DCAF6: variants seen among roughly 807,000 people sequenced by gnomAD.
DCAF6 encodes the protein DDB1- and CUL4-associated factor 6.
DCAF6 carries 54 observed loss-of-function variants against 125.1 expected under a neutral mutation model. The observed-to-expected ratio is 0.43, with a 90% CI of 0.35 to 0.54. DCAF6 has a LOEUF of 0.54. Among genes scored for constraint, DCAF6 ranks in the 20% least tolerant of loss-of-function variants. The pLI, the probability that DCAF6 is intolerant of heterozygous loss-of-function variation, is 0.01. For missense variants in DCAF6, 934 were observed against 1,161.7 expected, an observed-to-expected ratio of 0.80 and a Z score of 2.85; for synonymous variants, 371 against 390.4, an observed-to-expected ratio of 0.95 and a Z score of 0.58.
Position 168,002,482 on chromosome 1 carries a change from T to A in DCAF6, c.904T>A (p.Leu302Met). 2 of 1,612,708 alleles carry A rather than the reference T, an allele frequency of 1.2e-6. No individual in the cohort carries two copies. The highest frequency in any genetic ancestry group is 1.7e-6 in the Non-Finnish European group (2 of 1,178,964). The change falls in exon 8 of 22, where the codon TTG (leucine) becomes ATG (methionine). Residue 302 changes from leucine to methionine, a missense_variant and splice_region_variant. By Grantham distance (15) the Leu-to-Met change is conservative (BLOSUM62 2). This residue lies in a region of DCAF6 where 309 missense variants were observed against 381.2 expected (regional missense o/e 0.81). Coordinates refer to ENST00000367840, the MANE Select transcript of DCAF6 (RefSeq NM_001198956.2). ...TPSAEERREE[L>M]RQPPVKRLRL... ...GAATTTACCCGTTCTTATTTTTTAG[T>A]TGCGACAACCACCAGTTAAGCGTTT...
In DCAF6 at chr1:168,044,684, C is replaced by T. The variant is rs755937819; in HGVS notation, c.1930+13C>T. The T allele has an allele frequency of 3.1e-6, 5 of 1,592,116 alleles. No homozygotes were observed. The South Asian group carries it at 4.4e-5, about 14-fold the overall frequency. On this transcript the variant is annotated intron_variant, in intron 15 of 21. Transcript: ENST00000367840. ...CATATCAATATAAGTGAGTTGCTCC[C>T]TTTAGATAATTGCTTTGTATGGGAA...
chr1:168,034,602 A>G (rs1009015349), intron 12 of DCAF6, among the ~76,000 whole-genome samples: 12 of 152,224 alleles, frequency 7.9e-5, no homozygotes, highest in Non-Finnish European at 1.2e-4. Flanking sequence ...GGAGATGACA[A>G]TACTGATTAC....
chr1:168,058,531 C>T (rs956540230), intron 17 of DCAF6, among the ~76,000 whole-genome samples: 4 of 152,052 alleles, frequency 2.6e-5, no homozygotes, highest in African/African-American at 9.7e-5. Context: ...GATTATGCAT[C>T]TCATGTTTTT....
chr1:168,054,582 A>C (rs563775539), intron 17 of DCAF6, among the ~76,000 whole-genome samples: 2 of 152,334 alleles, frequency 1.3e-5, no homozygotes, highest in Admixed American at 1.3e-4. Flanking sequence ...GTTTTAAAGC[A>C]CTTAAAATGT....
chr1:168,022,712 C>T (rs1685818162), intron 11 of DCAF6, among the ~76,000 whole-genome samples: 1 of 152,178 alleles, frequency 6.6e-6, no homozygotes, highest in Admixed American at 6.5e-5. Context: ...ATCTACCTTG[C>T]ACCTTGTGCC....
chr1:168,004,486 T>A, intron 9 of DCAF6, 47 bp from the exon 10 acceptor site: 1 of 1,591,484 alleles, frequency 6.3e-7, no homozygotes, highest in Non-Finnish European at 8.6e-7. Context: ...GTTGTTGGTT[T>A]TAGAAAATAT....
intron 3 of DCAF6, among the ~76,000 whole-genome samples, chr1:167,967,540 GA>G (rs1159546956): frequency 6.6e-6 from 1 of 152,066 alleles, no homozygotes; most frequent in Non-Finnish European, 1.5e-5. Context: ...AGTTAAATGA[GA>G]AACCTTCTGT....
intron 16 of DCAF6, among the ~76,000 whole-genome samples, chr1:168,048,629 T>C (rs1029270891): frequency 6.6e-6 from 1 of 152,222 alleles, no homozygotes; most frequent in African/African-American, 2.4e-5. Flanking sequence ...CTAACATAGA[T>C]ATTTTTAAAT....
intron 3 of DCAF6, among the ~76,000 whole-genome samples, chr1:167,969,050 G>GTT (rs899562502): frequency 6.6e-6 from 1 of 150,606 alleles, no homozygotes; most frequent in Non-Finnish European, 1.5e-5. Context: ...TTATATGTTG[G>GTT]TTTTTTTTTA....
chr1:167,962,071 T>C (rs1675689129), intron 2 of DCAF6, among the ~76,000 whole-genome samples: 1 of 152,216 alleles, frequency 6.6e-6, no homozygotes, highest in South Asian at 2.1e-4. Flanking sequence ...TGTTTGATTT[T>C]TATTCTTTTA....
chr1:167,936,063 C>G (rs374785748), upstream of DCAF6: 2 of 578,706 alleles, frequency 3.5e-6, no homozygotes, highest in South Asian at 2.0e-5. Flanking sequence ...TGCCAGCCCC[C>G]GGTCCGCCTC....
chr1:167,874,453 A>G, the DCAF6 span, among the ~76,000 whole-genome samples: 3 of 152,226 alleles, frequency 2.0e-5, no homozygotes, highest in Admixed American at 6.5e-5. Flanking sequence ...CAACAGAATT[A>G]TTGAAAGGAT....
At chr1:167,973,757 C>CCTT (rs35002079) in intron 3 of DCAF6, among the ~76,000 whole-genome samples, 21,247 of 151,944 alleles carry the variant, frequency 0.14, 1,942 homozygotes, top group African/African-American at 0.26. Flanking sequence ...TCCCCACTCA[C>CCTT]CTCTCTATTG....
At chr1:167,956,284 T>A (rs1358647628) in intron 2 of DCAF6, among the ~76,000 whole-genome samples, 4 of 152,160 alleles carry the variant, frequency 2.6e-5, no homozygotes, top group Admixed American at 6.5e-5. Context: ...ATGTCTTGAG[T>A]GAACCTTGTT....
the DCAF6 span, chr1:167,899,373 C>T: frequency 1.3e-6 from 2 of 1,583,312 alleles, no homozygotes; most frequent in South Asian, 2.2e-5. Flanking sequence ...GGCAGGGGGC[C>T]TCTGTTACAG....
intron 4 of DCAF6, among the ~76,000 whole-genome samples, chr1:167,985,108 T>A (rs1679758038): frequency 6.6e-6 from 1 of 152,098 alleles, no homozygotes; most frequent in African/African-American, 2.4e-5. Flanking sequence ...ATGATTCAGT[T>A]ACCTCCCACT....
Position 168,006,272 on chromosome 1 carries a change from T to C in DCAF6, c.1378+1479T>C, listed in dbSNP as rs3767464. 8.9e-3 allele frequency among the ~76,000 whole-genome samples: 1,351 copies of C among 151,550 alleles called. 15 individuals are homozygous for C. The highest frequency in any genetic ancestry group is 0.059 in the East Asian group (308 of 5,192). The stretch of plus-strand genomic sequence containing the variant: ...GTATTAAATGTGACAATCATTTGAA[T>C]TATTGAAGAAGAAAAAATATCTTTG... On this transcript the variant is annotated intron_variant, in intron 10 of 21. Transcript: ENST00000367840.
At chr1:167,949,399 C>T (rs976518767) in intron 1 of DCAF6, among the ~76,000 whole-genome samples, 19 of 152,196 alleles carry the variant, frequency 1.2e-4, no homozygotes. Flanking sequence ...GCACCCAACA[C>T]TGGAGTACTG....
At chr1:168,047,733 G>A (rs1689314399) in intron 16 of DCAF6, among the ~76,000 whole-genome samples, 1 of 151,930 alleles carries the variant, frequency 6.6e-6, no homozygotes, top group African/African-American at 2.4e-5. Context: ...TATAAAAGAT[G>A]TGTATACTGA....
Sources: gnomAD v4.1 joint callset for allele counts (sites outside exome capture counted in the v4.1 genomes callset) on GRCh38, gnomAD v4.1.1 for gene constraint, gnomAD v4.1.1 regional missense constraint, MANE v1.5 for transcripts, NCBI Gene and HGNC (gene_info 2026-07-23, HGNC 2026-07-21) for gene names.